The following GSK3B variants were observed in gnomAD, a reference collection of about 807,000 sequenced individuals.
The protein encoded by GSK3B is glycogen synthase kinase 3 beta.
A neutral mutation model predicts 56.4 loss-of-function variants in GSK3B; 15 were observed. The observed-to-expected ratio is 0.27, with a 90% CI of 0.18 to 0.41. The LOEUF is 0.41. GSK3B is among the 10% of genes least tolerant of loss of function. The probability of loss-of-function intolerance (pLI) is 1.00; values close to 1 mark genes in which losing one functional copy is unlikely to be tolerated. For synonymous variants in GSK3B, 181 were observed against 188.9 expected, an observed-to-expected ratio of 0.96 and a Z score of 0.34; for missense variants, 300 against 513.4, an observed-to-expected ratio of 0.58 and a Z score of 4.02.
chr3:119,926,778 A>C (rs1014317581), intron 3 of GSK3B, among the ~76,000 whole-genome samples: 2 of 152,166 alleles, frequency 1.3e-5, no homozygotes, highest in Non-Finnish European at 2.9e-5. Flanking sequence ...CTAATTCTTT[A>C]ACCTAGAATG....
At chr3:119,982,709 G>A (rs2057475595) in intron 2 of GSK3B, among the ~76,000 whole-genome samples, 1 of 152,204 alleles carries the variant, frequency 6.6e-6, no homozygotes, top group Non-Finnish European at 1.5e-5. Context: ...ATGGGACTAT[G>A]TGAAAAGACC....
chr3:120,061,763 A>G (rs1421181950), intron 1 of GSK3B, among the ~76,000 whole-genome samples: 6 of 151,978 alleles, frequency 3.9e-5, no homozygotes, highest in Admixed American at 3.9e-4. Flanking sequence ...ACAGAGTTTC[A>G]CTCTTGTTGC....
intron 7 of GSK3B, among the ~76,000 whole-genome samples, chr3:119,894,510 T>A (rs1397159563): frequency 6.6e-6 from 1 of 152,308 alleles, no homozygotes; most frequent in Admixed American, 6.5e-5. Context: ...TGAATAATGA[T>A]GTTGAGCATC....
chr3:119,923,840 T>G (rs1397259570), intron 3 of GSK3B, among the ~76,000 whole-genome samples: 1 of 152,188 alleles, frequency 6.6e-6, no homozygotes, highest in Non-Finnish European at 1.5e-5. Flanking sequence ...AAGATAAGTA[T>G]CGTGGTGGCA....
At chr3:119,865,435 G>T (rs1224744350) in intron 8 of GSK3B, among the ~76,000 whole-genome samples, 9 of 28,646 alleles carry the variant, frequency 3.1e-4, no homozygotes, top group Admixed American at 2.0e-3. Context: ...GCTTATTTCC[G>T]ATATATATAT....
At chr3:119,878,147 A>G (rs2056335254) in intron 7 of GSK3B, among the ~76,000 whole-genome samples, 1 of 152,168 alleles carries the variant, frequency 6.6e-6, no homozygotes, top group Non-Finnish European at 1.5e-5. Flanking sequence ...AATTTTAAAA[A>G]GTTTGTTCTT....
chr3:120,076,554 G>A (rs1034139573), intron 1 of GSK3B, among the ~76,000 whole-genome samples: 7 of 152,016 alleles, frequency 4.6e-5, no homozygotes, highest in Non-Finnish European at 1.0e-4. Flanking sequence ...GGTGGCTCAC[G>A]CCTGTAATCC....
chr3:119,847,393 T>C (rs561672065), intron 9 of GSK3B, among the ~76,000 whole-genome samples: 2 of 152,260 alleles, frequency 1.3e-5, no homozygotes, highest in African/African-American at 4.8e-5. Flanking sequence ...GGCAGGAGAA[T>C]TGCTTGAACC....
At chr3:119,982,887 C>A (rs1274537353) in intron 2 of GSK3B, among the ~76,000 whole-genome samples, 1 of 152,062 alleles carries the variant, frequency 6.6e-6, no homozygotes, top group Non-Finnish European at 1.5e-5. Flanking sequence ...AGAAGAGCAA[C>A]CCCAAGACAC....
intron 9 of GSK3B, among the ~76,000 whole-genome samples, chr3:119,851,515 G>C (rs2055930275): frequency 6.6e-6 from 1 of 152,154 alleles, no homozygotes; most frequent in Non-Finnish European, 1.5e-5. Flanking sequence ...TTGTGTGAAA[G>C]ATGAGGACAA....
At position 119,940,335 on chromosome 3, in the gene GSK3B, C is replaced by T. The variant is rs145043328; in HGVS notation, c.366+6933G>A. On this transcript the variant is annotated intron_variant, in intron 3 of 10. Coordinates refer to ENST00000264235, the MANE Select transcript of GSK3B (RefSeq NM_001146156.2). ...TTCATACTCAAATTGATTCTTTATA[C>T]TATACTGCTTCAAAATTAAGAAGGA... 4.2e-3 allele frequency among the ~76,000 whole-genome samples: 644 copies of T among 152,196 alleles called. 4 individuals are homozygous for T. Among genetic ancestry groups the T allele is most frequent in the African/African-American group, 0.015 (618 of 41,538 alleles).
At chr3:120,041,333 T>C (rs577958129) in intron 1 of GSK3B, 3 of 306,688 alleles carry the variant, frequency 9.8e-6, no homozygotes, top group East Asian at 8.8e-5. Flanking sequence ...GCATTTATTG[T>C]AGTTGGGCCA....
At chr3:119,854,851 TG>T (rs2055993950) in intron 9 of GSK3B, among the ~76,000 whole-genome samples, 1 of 152,204 alleles carries the variant, frequency 6.6e-6, no homozygotes, top group Admixed American at 6.5e-5. Context: ...TCAATTTTGT[TG>T]ATCTTTTCAA....
chr3:119,982,030 G>A (rs2057468099), intron 2 of GSK3B, among the ~76,000 whole-genome samples: 1 of 152,194 alleles, frequency 6.6e-6, no homozygotes, highest in Non-Finnish European at 1.5e-5. Flanking sequence ...CTGTTCTGCA[G>A]TATTTGTTGT....
In GSK3B at chr3:120,094,428, G is replaced by T; in HGVS notation, c.-994C>A. 1 of 309,924 alleles carries T rather than the reference G, an allele frequency of 3.2e-6. No homozygotes were observed. The highest frequency in any genetic ancestry group is 6.0e-6 in the Non-Finnish European group (1 of 167,078). The allele number at this position is 309,924 out of a possible 1,614,324, so 19.2% of individuals were successfully genotyped here. ...GGCGGCACAAGCCCGCATTCGCCCG[G>T]GTCAGGAGCTGCTCTGTGTGAGGAG... is the stretch of plus-strand genomic sequence containing the variant. On this transcript the variant is annotated 5_prime_UTR_variant, in exon 1 of 11. Transcript: ENST00000264235.
At chr3:119,834,981 G>A (rs746776675) in intron 10 of GSK3B, among the ~76,000 whole-genome samples, 45 of 152,282 alleles carry the variant, frequency 3.0e-4, no homozygotes, top group Admixed American at 9.8e-4. Flanking sequence ...CCCTAACATG[G>A]GGTAGATACA....
intron 1 of GSK3B, among the ~76,000 whole-genome samples, chr3:120,055,852 G>T (rs76083426): frequency 0.026 from 3,943 of 152,146 alleles, 176 homozygotes; most frequent in African/African-American, 0.089. Context: ...GAATTTATTC[G>T]GAATTTAAAT....
chr3:120,020,450 T>C (rs9289138), intron 1 of GSK3B, among the ~76,000 whole-genome samples: 42,342 of 152,108 alleles, frequency 0.28, 7,645 homozygotes, highest in African/African-American at 0.52. Context: ...ATGCTCACTT[T>C]ATGTCTCTGT....
intron 1 of GSK3B, among the ~76,000 whole-genome samples, chr3:120,028,588 G>A (rs185519810): frequency 1.3e-5 from 2 of 152,184 alleles, no homozygotes; most frequent in Non-Finnish European, 2.9e-5. Context: ...CCTCTTCTGT[G>A]ATCAGCAAAC....
Sources: gnomAD v4.1 joint callset for allele counts (sites outside exome capture counted in the v4.1 genomes callset) on GRCh38, gnomAD v4.1.1 for gene constraint, MANE v1.5 for transcripts, NCBI Gene and HGNC (gene_info 2026-07-23, HGNC 2026-07-21) for gene names.